ZNF814: variants seen among roughly 807,000 people sequenced by gnomAD.
The protein encoded by ZNF814 is zinc finger protein 814.
A neutral mutation model predicts 7.5 loss-of-function variants in ZNF814; 5 were observed. The ratio of observed to expected loss-of-function variants is 0.67; its 90% CI spans 0.35 to 1.40. ZNF814 has a LOEUF of 1.40. Ranked by LOEUF, ZNF814 falls within the 40% of genes most tolerant of loss-of-function variation. The pLI, the probability that ZNF814 is intolerant of heterozygous loss-of-function variation, is 0.04. For synonymous variants in ZNF814, 315 were observed against 340.7 expected (o/e 0.92, Z 0.83); for missense variants, 962 against 1,018.0 (o/e 0.94, Z 0.75).
chr19:57,876,849 A>G (rs1430590727), intron 2 of ZNF814, 67 bp downstream of exon 2: 40 of 1,598,334 alleles, frequency 2.5e-5, no homozygotes, highest in Admixed American at 5.2e-5. Flanking sequence ...AGAAAGTCTT[A>G]CCAATGGGGA....
At chr19:57,901,937 C>CA in the ZNF814 span, among the ~76,000 whole-genome samples, 19 of 152,124 alleles carry the variant, frequency 1.2e-4, no homozygotes, top group Non-Finnish European at 2.1e-4. Context: ...CCATAGATAA[C>CA]AGAGTGCCGA....
chr19:57,900,839 A>ATTTTT, the ZNF814 span, among the ~76,000 whole-genome samples: 105 of 45,762 alleles, frequency 2.3e-3, 22 homozygotes, highest in South Asian at 2.9e-3. Context: ...CCATGGCTGC[A>ATTTTT]TTTTTTTTTT....
At chr19:57,902,559 G>A in the ZNF814 span, among the ~76,000 whole-genome samples, 1 of 148,604 alleles carries the variant, frequency 6.7e-6, no homozygotes, top group East Asian at 2.0e-4. Flanking sequence ...TAAAGGGGAG[G>A]GAGGTAAATA....
chr19:57,873,949 G>T lies in ZNF814; in HGVS notation c.1441C>A (p.His481Asn). The T allele has an allele frequency of 6.2e-7, 1 of 1,613,398 alleles. No individual in the cohort carries two copies. Among genetic ancestry groups the T allele is most frequent in the Non-Finnish European group, 8.5e-7 (1 of 1,179,798 alleles). ...KSFSHKRSLV[H>N]HQRVHSGERP... is the part of the protein sequence containing the mutation. Reference sequence around the variant, plus strand: ...TCTCCACTGTGAACTCGCTGATGGTGAACAAGGCTGCGCTTATGACTGAAA... The same window carrying T: ...TCTCCACTGTGAACTCGCTGATGGTTAACAAGGCTGCGCTTATGACTGAAA... Residue 481 changes from histidine to asparagine, a missense_variant, in exon 3 of 3, where the codon CAC becomes AAC. His to Asn is a moderately conservative substitution (Grantham distance 68). Around this residue, in one of 7 missense-constraint regions of ZNF814, gnomAD observed 665 missense variants for 551.4 expected, o/e 1.21. Transcript: ENST00000435989.
chr19:57,876,548 G>A, intron 2 of ZNF814: 1 of 368,230 alleles, frequency 2.7e-6, no homozygotes, highest in Non-Finnish European at 4.9e-6. Flanking sequence ...AGGCAGTGAT[G>A]TAGTCTGTGA....
chr19:57,902,655 A>G, the ZNF814 span, among the ~76,000 whole-genome samples: 1 of 151,178 alleles, frequency 6.6e-6, no homozygotes, highest in Non-Finnish European at 1.5e-5. Context: ...AGTAGGAAAT[A>G]TTACTCTTCT....
At chr19:57,884,551 G>T (rs555900262) in intron 1 of ZNF814, among the ~76,000 whole-genome samples, 4 of 152,192 alleles carry the variant, frequency 2.6e-5, no homozygotes, top group Non-Finnish European at 5.9e-5. Flanking sequence ...CCAGGTGGTC[G>T]AAGCTGCAGT....
chr19:57,872,509 A>C lies in ZNF814; in HGVS notation c.*313T>G. The C allele has an allele frequency of 6.8e-6, 4 of 587,896 alleles. No individual in the cohort carries two copies. Among genetic ancestry groups the C allele is most frequent in the Non-Finnish European group, 8.9e-6 (3 of 338,674 alleles). 36.4% of individuals were successfully genotyped at this position (587,896 alleles called of 1,614,324 possible). A position where few individuals can be genotyped will look rare whatever the true frequency, so the allele number is the denominator to read the frequency against. On this transcript the variant is annotated 3_prime_UTR_variant, in exon 3 of 3. Coordinates refer to ENST00000435989, the MANE Select transcript of ZNF814 (RefSeq NM_001144989.2). ...AATGTATTTTATTTGTCTAGTGTGA[A>C]CTCTCTGATATTCAAGGAGAAAAGA...
In ZNF814 at chr19:57,874,198, G is replaced by T. The variant is rs955530993; in HGVS notation, c.1192C>A (p.His398Asn). ...SFSKYASFSN[H>N]QRVHTDKKHY... ...TTTTTGTCAGTGTGAACTCTCTGAT[G>T]ATTACTGAAGCTAGCATATTTGCTA... Residue 398 changes from histidine to asparagine, a missense_variant, in exon 3 of 3, where the codon CAT (histidine) becomes AAT (asparagine). Coordinates refer to ENST00000435989, the MANE Select transcript of ZNF814 (RefSeq NM_001144989.2). The T allele has an allele frequency of 7.0e-6, 11 of 1,576,688 alleles. No homozygotes were observed. The African/African-American group carries it at 1.4e-4, about 20-fold the overall frequency.
At chr19:57,880,473 G>A (rs574163465) in intron 1 of ZNF814, among the ~76,000 whole-genome samples, 5 of 151,586 alleles carry the variant, frequency 3.3e-5, no homozygotes, top group African/African-American at 7.3e-5. Context: ...TACCACCTGC[G>A]TTATGGACTT....
rs774093902 is a variant in ZNF814 at position 57,873,604 on chromosome 19, G to A, written c.1786C>T (p.Arg596Cys). Residue 596 changes from arginine (R) to cysteine (C), a missense_variant, in exon 3 of 3, where the codon CGC becomes TGC. Physicochemically the swap from Arg to Cys is radical, Grantham distance 180. Transcript: ENST00000435989. ...SSIGHLRSHQ[R>C]VHTGERPYEC... is the part of the protein sequence containing the mutation. ...TAAGGCCTCTCTCCAGTATGAACGC[G>A]CTGATGGCTCCTAAGGTGCCCGATT... 56 of 1,613,706 alleles carry A rather than the reference G, an allele frequency of 3.5e-5. No homozygotes were observed. Among genetic ancestry groups the A allele is most frequent in the Admixed American group, 2.0e-4 (12 of 59,976 alleles).
chr19:57,889,184 T>TA (rs1214714639), upstream of ZNF814: 4 of 398,510 alleles, frequency 1.0e-5, no homozygotes, highest in Non-Finnish European at 1.8e-5. Context: ...ACAAGGAGGG[T>TA]AAAGGGCGCA....
chr19:57,886,700 G>A (rs945570122), intron 1 of ZNF814, among the ~76,000 whole-genome samples: 22 of 152,010 alleles, frequency 1.4e-4, no homozygotes, highest in South Asian at 4.2e-4. Flanking sequence ...GCAACATGGC[G>A]AAACCCCATC....
At position 57,872,912 on chromosome 19, in the gene ZNF814, C is replaced by G; in HGVS notation, c.2478G>C (p.Lys826Asn). ...TKHKRVHTGE[K>N]PYKCEKCGKL... ...TCCCACATTTCTCACATTTATAAGG[C>G]TTTTCTCCAGTGTGAACTCTCTTGT... is the stretch of plus-strand genomic sequence containing the variant. The change falls in exon 3 of 3, where the codon AAG becomes AAC. Residue 826 changes from lysine (K) to asparagine (N), a missense_variant. Lys to Asn is a moderately conservative substitution (Grantham distance 94). This residue lies in a region of ZNF814 where 665 missense variants were observed against 551.4 expected (regional missense o/e 1.21). Transcript: ENST00000435989. The G allele has an allele frequency of 1.2e-6, 2 of 1,612,862 alleles. No individual in the cohort carries two copies. Among genetic ancestry groups the G allele is most frequent in the Non-Finnish European group, 8.5e-7 (1 of 1,179,562 alleles).
chr19:57,884,055 C>A (rs1386845522), intron 1 of ZNF814, among the ~76,000 whole-genome samples: 1 of 152,140 alleles, frequency 6.6e-6, no homozygotes, highest in East Asian at 1.9e-4. Context: ...CCGAGCCTGG[C>A]CGACAAAGAC....
At chr19:57,887,832 C>T (rs927041027) in intron 1 of ZNF814, among the ~76,000 whole-genome samples, 4 of 152,168 alleles carry the variant, frequency 2.6e-5, no homozygotes, top group Admixed American at 6.5e-5. Context: ...TTGTGTCTGG[C>T]GTAGTGCCCA....
chr19:57,903,338 T>C, the ZNF814 span, among the ~76,000 whole-genome samples: 3 of 152,224 alleles, frequency 2.0e-5, no homozygotes, highest in Non-Finnish European at 4.4e-5. Context: ...TATGAAATTA[T>C]GGAGCTCTCA....
the ZNF814 span, among the ~76,000 whole-genome samples, chr19:57,904,306 CAATA>C: frequency 6.6e-6 from 1 of 152,154 alleles, no homozygotes; most frequent in African/African-American, 2.4e-5. Flanking sequence ...GTTTGATTAC[CAATA>C]AATAGTGTGG....
intron 1 of ZNF814, 105 bp downstream of exon 1, chr19:57,888,662 C>G: frequency 7.0e-7 from 1 of 1,437,068 alleles, no homozygotes; most frequent in Non-Finnish European, 9.5e-7. Context: ...GCCTCAGTGT[C>G]CCAACGCCGG....
Sources: gnomAD v4.1 joint callset for allele counts (sites outside exome capture counted in the v4.1 genomes callset) on GRCh38, gnomAD v4.1.1 for gene constraint, gnomAD v4.1.1 regional missense constraint, MANE v1.5 for transcripts, NCBI Gene and HGNC (gene_info 2026-07-23, HGNC 2026-07-21) for gene names.